Variants in PBX1 observed in about 807,000 individuals in gnomAD.
The protein encoded by PBX1 is PBX homeobox 1, also known as pre-B-cell leukemia transcription factor 1.
A neutral mutation model predicts 53.4 loss-of-function variants in PBX1; 6 were observed. The ratio of observed to expected loss-of-function variants is 0.11; its 90% confidence interval spans 0.06 to 0.22. The LOEUF (loss-of-function observed/expected upper bound fraction) is 0.22, where lower values mean the gene tolerates loss of function less well. Among genes scored for constraint, PBX1 ranks in the 10% least tolerant of loss-of-function variants. The pLI, the probability that PBX1 is intolerant of heterozygous loss-of-function variation, is 1.00. For missense variants in PBX1, 251 were observed against 551.4 expected, an observed-to-expected ratio of 0.46 and a Z score of 5.46; for synonymous variants, 204 against 212.3, an observed-to-expected ratio of 0.96 and a Z score of 0.34.
At chr1:164,669,160 GT>G (rs1261505947) in intron 2 of PBX1, among the ~76,000 whole-genome samples, 2 of 151,978 alleles carry the variant, frequency 1.3e-5, no homozygotes, top group Non-Finnish European at 2.9e-5. Flanking sequence ...GGTAAAGTAA[GT>G]AAATGGCTCT....
chr1:164,645,388 A>G (rs753022758), intron 2 of PBX1, among the ~76,000 whole-genome samples: 11 of 152,158 alleles, frequency 7.2e-5, no homozygotes, highest in South Asian at 2.1e-4. Flanking sequence ...TCTGTTCCCA[A>G]TGCACTAGGG....
intron 2 of PBX1, among the ~76,000 whole-genome samples, chr1:164,654,249 TGTA>T (rs1050031202): frequency 2.6e-5 from 4 of 152,174 alleles, no homozygotes; most frequent in African/African-American, 9.7e-5. Context: ...TTACTTATAA[TGTA>T]GTGCTTTTAC....
intron 2 of PBX1, among the ~76,000 whole-genome samples, chr1:164,572,180 T>TA (rs757872566): frequency 1.5e-4 from 23 of 151,900 alleles, no homozygotes; most frequent in Non-Finnish European, 2.9e-4. Context: ...GTGCTGGAGT[T>TA]ACAGGTGTGA....
chr1:164,816,790 T>TATG (rs1669899635), intron 6 of PBX1: 2 of 152,092 alleles, frequency 1.3e-5, no homozygotes, highest in East Asian at 3.9e-4. Context: ...TTATCATTAT[T>TATG]ATTATTATTA....
intron 2 of PBX1, among the ~76,000 whole-genome samples, chr1:164,671,112 G>A (rs1360744462): frequency 3.3e-5 from 5 of 151,864 alleles, no homozygotes; most frequent in Non-Finnish European, 7.4e-5. Flanking sequence ...ATTTCAGCTC[G>A]ATTCAGTTAT....
intron 2 of PBX1, among the ~76,000 whole-genome samples, chr1:164,668,646 T>C (rs991376250): frequency 6.6e-6 from 1 of 152,162 alleles, no homozygotes. Flanking sequence ...AACATACTCT[T>C]CCCCTTTCGC....
intron 2 of PBX1, among the ~76,000 whole-genome samples, chr1:164,691,067 T>G (rs1004963969): frequency 7.1e-6 from 1 of 139,964 alleles, no homozygotes; most frequent in Non-Finnish European, 1.5e-5. Flanking sequence ...CAGGCTGGAG[T>G]GCAGTGGTGC....
At chr1:164,747,968 A>G (rs1193066935) in intron 2 of PBX1, among the ~76,000 whole-genome samples, 1 of 152,114 alleles carries the variant, frequency 6.6e-6, no homozygotes, top group Non-Finnish European at 1.5e-5. Flanking sequence ...TCATAAGTAA[A>G]TGATGCATGC....
intron 1 of PBX1, among the ~76,000 whole-genome samples, chr1:164,561,891 A>G (rs1439274772): frequency 1.3e-5 from 2 of 151,940 alleles, no homozygotes; most frequent in Non-Finnish European, 2.9e-5. Flanking sequence ...TAATAGAATT[A>G]ATTAAAACTA....
chr1:164,846,492 G>A, intron 8 of PBX1, 92 bp from the exon 9 acceptor site: 1 of 1,044,002 alleles, frequency 9.6e-7, no homozygotes, highest in Non-Finnish European at 1.5e-6. Flanking sequence ...CACTATGCTA[G>A]GTCCTTTACA....
intron 2 of PBX1, among the ~76,000 whole-genome samples, chr1:164,747,836 GC>G (rs1298620893): frequency 6.6e-6 from 1 of 152,082 alleles, no homozygotes; most frequent in Non-Finnish European, 1.5e-5. Flanking sequence ...GTATCCTGGG[GC>G]TAGACAGCTT....
chr1:164,855,780 A>G (rs1043622250), downstream of PBX1, among the ~76,000 whole-genome samples: 8 of 152,218 alleles, frequency 5.3e-5, no homozygotes, highest in East Asian at 3.9e-4. Flanking sequence ...ACAAGAGGTT[A>G]ATTTTGCACT....
At chr1:164,645,098 C>A (rs562865710) in intron 2 of PBX1, among the ~76,000 whole-genome samples, 3 of 152,272 alleles carry the variant, frequency 2.0e-5, no homozygotes, top group Non-Finnish European at 4.4e-5. Flanking sequence ...AGTGGGAGGA[C>A]TCTATCGATT....
intron 8 of PBX1, among the ~76,000 whole-genome samples, chr1:164,840,888 G>A (rs972337411): frequency 6.6e-6 from 1 of 152,108 alleles, no homozygotes; most frequent in African/African-American, 2.4e-5. Context: ...TGGAGGTCAG[G>A]GATCTCATGC....
At chr1:164,649,125 C>G (rs1231751160) in intron 2 of PBX1, among the ~76,000 whole-genome samples, 1 of 152,092 alleles carries the variant, frequency 6.6e-6, no homozygotes, top group Non-Finnish European at 1.5e-5. Flanking sequence ...GCCTACAGAT[C>G]TAGTTAGGTC....
intron 2 of PBX1, among the ~76,000 whole-genome samples, chr1:164,747,620 A>G (rs986412012): frequency 1.9e-4 from 29 of 152,274 alleles, no homozygotes; most frequent in African/African-American, 6.3e-4. Flanking sequence ...CAGTTTCCAC[A>G]TGAAAAGTGA....
At chr1:164,711,780 G>A (rs1663796226) in intron 2 of PBX1, among the ~76,000 whole-genome samples, 1 of 152,226 alleles carries the variant, frequency 6.6e-6, no homozygotes, top group African/African-American at 2.4e-5. Context: ...GCTGAAGGAA[G>A]TGCTATAAAT....
intron 2 of PBX1, among the ~76,000 whole-genome samples, chr1:164,708,816 T>C (rs1663593210): frequency 6.6e-6 from 1 of 152,222 alleles, no homozygotes; most frequent in Admixed American, 6.5e-5. Context: ...AAGACAAAGT[T>C]AGAAAATGCC....
intron 2 of PBX1, among the ~76,000 whole-genome samples, chr1:164,568,813 A>G (rs1160928180): frequency 6.6e-6 from 1 of 152,204 alleles, no homozygotes; most frequent in Non-Finnish European, 1.5e-5. Context: ...CACTTCTCGG[A>G]ACTTAGCAGA....
Sources: gnomAD v4.1 joint callset for allele counts (sites outside exome capture counted in the v4.1 genomes callset) on GRCh38, gnomAD v4.1.1 for gene constraint, MANE v1.5 for transcripts, NCBI Gene and HGNC (gene_info 2026-07-23, HGNC 2026-07-21) for gene names.